Variants in COPG2 observed in about 807,000 individuals in gnomAD.
The protein encoded by COPG2 is coat protein complex I subunit gamma 2.
A neutral mutation model predicts 46.3 loss-of-function variants in COPG2; 37 were observed. That is an observed-to-expected ratio of 0.80 (90% CI 0.61 to 1.05). COPG2 has a LOEUF of 1.05. Ranked by LOEUF, COPG2 falls within the 50% of genes least tolerant of loss-of-function variation. The pLI, the probability that COPG2 is intolerant of heterozygous loss-of-function variation, is 0.00. For missense variants in COPG2, 427 were observed against 387.8 expected, an observed-to-expected ratio of 1.10 and a Z score of -0.85; for synonymous variants, 159 against 129.7, an observed-to-expected ratio of 1.23 and a Z score of -1.53.
intron 4 of COPG2, among the ~76,000 whole-genome samples, chr7:130,659,381 C>CAAAAAAAAAAAAAA (rs1795928541): frequency 1.4e-5 from 1 of 73,838 alleles, no homozygotes. Context: ...AACAAACAAG[C>CAAAAAAAAAAAAAA]ATTATCTAGA....
At chr7:130,539,581 G>A (rs2116368918) in intron 20 of COPG2, among the ~76,000 whole-genome samples, 1 of 152,332 alleles carries the variant, frequency 6.6e-6, no homozygotes, top group Non-Finnish European at 1.5e-5. Context: ...GGGTGGCTGA[G>A]AGAAATACTG....
intron 5 of COPG2, among the ~76,000 whole-genome samples, chr7:130,623,799 A>T (rs1160178319): frequency 6.6e-6 from 1 of 152,204 alleles, no homozygotes; most frequent in Non-Finnish European, 1.5e-5. Flanking sequence ...AGCCTGGGCA[A>T]CATAATGAGA....
chr7:130,588,768 C>T (rs540496397), intron 9 of COPG2, among the ~76,000 whole-genome samples: 127 of 152,042 alleles, frequency 8.4e-4, no homozygotes, highest in African/African-American at 2.8e-3. Context: ...GCACGTTGTG[C>T]ACATGTACCC....
intron 20 of COPG2, chr7:130,511,937 G>A (rs1458226404): frequency 5.5e-5 from 26 of 472,292 alleles, no homozygotes; most frequent in African/African-American, 1.8e-4. Flanking sequence ...TAGATGGGCC[G>A]GGTGCAGTGG....
chr7:130,608,222 A>G (rs1794774315), intron 9 of COPG2: 1 of 467,568 alleles, frequency 2.1e-6, no homozygotes, highest in African/African-American at 2.0e-5. Context: ...TGATACAAAA[A>G]CTTTACAAAT....
intron 20 of COPG2, among the ~76,000 whole-genome samples, chr7:130,522,661 G>A (rs1448681745): frequency 6.6e-6 from 1 of 152,054 alleles, no homozygotes; most frequent in Non-Finnish European, 1.5e-5. Context: ...ATGTGCAGAA[G>A]AAAAGGAAAT....
chr7:130,534,566 G>A (rs1799860682), intron 20 of COPG2, among the ~76,000 whole-genome samples: 2 of 152,078 alleles, frequency 1.3e-5, no homozygotes, highest in South Asian at 2.1e-4. Context: ...AAAGTAGGTC[G>A]GTAGCAAATG....
At chr7:130,626,400 A>ATTTTTTTTTTTTTTTTTTTTTTTTTT (rs60484682) in intron 5 of COPG2, among the ~76,000 whole-genome samples, 1 of 119,842 alleles carries the variant, frequency 8.3e-6, no homozygotes, top group Non-Finnish European at 1.7e-5. Flanking sequence ...CACCAGGCTA[A>ATTTTTTTTTTTTTTTTTTTTTTTTTT]TTTTTTTTTT....
chr7:130,599,676 T>C (rs1554450121), intron 9 of COPG2, among the ~76,000 whole-genome samples: 2 of 152,198 alleles, frequency 1.3e-5, no homozygotes, highest in African/African-American at 2.4e-5. Flanking sequence ...ATAACATGAT[T>C]CTATTGACAG....
intron 5 of COPG2, among the ~76,000 whole-genome samples, chr7:130,620,490 A>G (rs1342580430): frequency 6.6e-6 from 1 of 152,206 alleles, no homozygotes; most frequent in Non-Finnish European, 1.5e-5. Flanking sequence ...CTTGAAACCT[A>G]AAAGTTTACC....
At chr7:130,583,493 T>TAAAAAAAAA in intron 9 of COPG2, among the ~76,000 whole-genome samples, 1 of 34,388 alleles carries the variant, frequency 2.9e-5, no homozygotes, top group Non-Finnish European at 4.9e-5. Flanking sequence ...ACATAAAGTA[T>TAAAAAAAAA]AAAAAAAAAA....
intron 5 of COPG2, among the ~76,000 whole-genome samples, chr7:130,634,942 G>A (rs1795305743): frequency 6.6e-6 from 1 of 151,422 alleles, no homozygotes; most frequent in Non-Finnish European, 1.5e-5. Flanking sequence ...TTTATCAAAG[G>A]CCTTTTCTGC....
At chr7:130,594,656 T>C (rs1794492584) in intron 9 of COPG2, among the ~76,000 whole-genome samples, 2 of 152,144 alleles carry the variant, frequency 1.3e-5, no homozygotes, top group African/African-American at 4.8e-5. Context: ...ACTAATACAA[T>C]TCAACAATAA....
chr7:130,617,714 A>G (rs1794972822), intron 5 of COPG2, among the ~76,000 whole-genome samples: 1 of 152,176 alleles, frequency 6.6e-6, no homozygotes, highest in Admixed American at 6.5e-5. Context: ...CTCCTCTCAC[A>G]TAATCCAAAA....
chr7:130,623,040 C>T (rs1447062635), intron 5 of COPG2, among the ~76,000 whole-genome samples: 1 of 152,150 alleles, frequency 6.6e-6, no homozygotes. Context: ...GATCATCATT[C>T]CAAATATGCA....
intron 20 of COPG2, among the ~76,000 whole-genome samples, chr7:130,512,354 A>G (rs1437316103): frequency 6.6e-6 from 1 of 152,078 alleles, no homozygotes; most frequent in East Asian, 1.9e-4. Flanking sequence ...ATAGATGGCA[A>G]CTTTAGAAAT....
chr7:130,661,638 C>T (rs73724355), intron 4 of COPG2, among the ~76,000 whole-genome samples: 22,287 of 152,220 alleles, frequency 0.15, 3,001 homozygotes, highest in African/African-American at 0.36. Context: ...CCACAGCATG[C>T]AGTGGCAAAA....
At chr7:130,633,285 G>T (rs1349043286) in intron 5 of COPG2, among the ~76,000 whole-genome samples, 13 of 152,120 alleles carry the variant, frequency 8.5e-5, no homozygotes, top group African/African-American at 3.1e-4. Flanking sequence ...GGCTCTAAAG[G>T]TATTTCTGGT....
intron 5 of COPG2, 137 bp downstream of exon 5, chr7:130,652,732 A>G (rs1334283999): frequency 1.5e-5 from 10 of 653,830 alleles, no homozygotes; most frequent in African/African-American, 7.5e-5. Flanking sequence ...TGAAAACTTC[A>G]TTTTAGAAAA....
Sources: gnomAD v4.1 joint callset for allele counts (sites outside exome capture counted in the v4.1 genomes callset) on GRCh38, gnomAD v4.1.1 for gene constraint, MANE v1.5 for transcripts, NCBI Gene and HGNC (gene_info 2026-07-23, HGNC 2026-07-21) for gene names.